FLT1: variants seen among roughly 807,000 people sequenced by gnomAD.
FLT1 encodes fms related receptor tyrosine kinase 1, also known as vascular endothelial growth factor receptor 1.
Under a neutral mutation model 156.3 loss-of-function variants are expected in FLT1, and 49 were observed. That is an observed-to-expected ratio of 0.31 (90% CI 0.25 to 0.40). The LOEUF (loss-of-function observed/expected upper bound fraction) is 0.40, where lower values mean the gene tolerates loss of function less well. Ranked by LOEUF, FLT1 falls within the 10% of genes least tolerant of loss-of-function variation. FLT1 has a pLI of 1.00. For missense variants in FLT1, 1,322 were observed against 1,637.2 expected, an observed-to-expected ratio of 0.81 and a Z score of 3.32; for synonymous variants, 594 against 583.8, an observed-to-expected ratio of 1.02 and a Z score of -0.25.
rs114650498 is a variant in FLT1 at position 28,355,533 on chromosome 13, G to A, written c.2248+2021C>T. ...TAATGATTCCAGAAGCGGGGATTGA[G>A]AGAGCAGAGAATGAGTATCTGCCTC... On this transcript the variant is annotated intron_variant, in intron 15 of 29. Coordinates refer to ENST00000282397, the MANE Select transcript of FLT1 (RefSeq NM_002019.4). Among the ~76,000 whole-genome samples, 594 of 152,294 alleles carry A rather than the reference G, an allele frequency of 3.9e-3. 4 individuals carry two copies. The highest frequency in any genetic ancestry group is 0.014 in the African/African-American group (561 of 41,544).
chr13:28,308,445 G>A (rs1870844568), intron 28 of FLT1: 1 of 318,182 alleles, frequency 3.1e-6, no homozygotes, highest in Non-Finnish European at 6.1e-6. Context: ...AGGCTTAGGT[G>A]GACCCCTCCC....
intron 3 of FLT1, among the ~76,000 whole-genome samples, chr13:28,443,368 G>C (rs1041436505): frequency 6.6e-6 from 1 of 152,144 alleles, no homozygotes; most frequent in Non-Finnish European, 1.5e-5. Context: ...CAGACATAGT[G>C]GCCCCTGCAT....
At chr13:28,385,475 A>G (rs1048182172) in intron 13 of FLT1, 2 of 1,006,708 alleles carry the variant, frequency 2.0e-6, no homozygotes, top group Non-Finnish European at 2.4e-6. Context: ...TGATTGATGT[A>G]TTTGTGGGGG....
intron 14 of FLT1, among the ~76,000 whole-genome samples, chr13:28,380,182 C>G (rs1300854064): frequency 6.6e-6 from 1 of 152,192 alleles, no homozygotes; most frequent in African/African-American, 2.4e-5. Context: ...ACTTTTCAGT[C>G]TTTGCAGGCC....
chr13:28,449,202 G>A (rs970722090), intron 3 of FLT1, among the ~76,000 whole-genome samples: 23 of 152,032 alleles, frequency 1.5e-4, no homozygotes, highest in African/African-American at 4.8e-4. Context: ...AGGATCAATC[G>A]AAGCCCAGGA....
Position 28,434,164 on chromosome 13 carries a change from C to G in FLT1, c.570G>C (p.Lys190Asn). Residue 190 changes from lysine (K) to asparagine (N), a missense_variant, in exon 5 of 30, where the codon AAG becomes AAC. Physicochemically the swap from Lys to Asn is moderately conservative, Grantham distance 94. Coordinates refer to ENST00000282397, the MANE Select transcript of FLT1 (RefSeq NM_002019.4). ...DGKRIIWDSRKGFIISNATYK... is the reference protein window; with the variant it reads ...DGKRIIWDSRNGFIISNATYK... ...ACGTTGCATTTGATATGATGAAGCCCTTTCTACTGTCCCAGATTATGCGTT... is the reference window on the plus strand; with the variant it reads ...ACGTTGCATTTGATATGATGAAGCCGTTTCTACTGTCCCAGATTATGCGTT... The G allele has an allele frequency of 6.2e-7, 1 of 1,614,052 alleles. No individual in the cohort carries two copies. Among genetic ancestry groups the G allele is most frequent in the Non-Finnish European group, 8.5e-7 (1 of 1,180,012 alleles).
At chr13:28,392,829 A>C (rs1237826285) in intron 12 of FLT1, among the ~76,000 whole-genome samples, 2 of 152,182 alleles carry the variant, frequency 1.3e-5, no homozygotes, top group African/African-American at 2.4e-5. Flanking sequence ...ATTCGTTTTG[A>C]GGCCTGTTTC....
chr13:28,348,083 C>T (rs1002642604), intron 15 of FLT1, among the ~76,000 whole-genome samples: 1 of 152,166 alleles, frequency 6.6e-6, no homozygotes, highest in Admixed American at 6.5e-5. Context: ...TATTTTCTCT[C>T]CATCCAACCC....
intron 13 of FLT1, chr13:28,386,075 C>G (rs1205327468): frequency 9.5e-7 from 1 of 1,054,786 alleles, no homozygotes; most frequent in East Asian, 5.3e-5. Context: ...CTGTCACTGT[C>G]TTCAATTATA....
At chr13:28,488,827 A>C (rs1881319037) in intron 1 of FLT1, among the ~76,000 whole-genome samples, 1 of 152,202 alleles carries the variant, frequency 6.6e-6, no homozygotes, top group East Asian at 1.9e-4. Context: ...ATTAAAACAG[A>C]GTTGATTCTG....
At chr13:28,313,527 C>T (rs972851925) in intron 25 of FLT1, among the ~76,000 whole-genome samples, 2 of 152,102 alleles carry the variant, frequency 1.3e-5, no homozygotes, top group African/African-American at 2.4e-5. Context: ...GAATGGGCTC[C>T]GAATTTGGCT....
intron 3 of FLT1, among the ~76,000 whole-genome samples, chr13:28,441,523 G>A (rs1419465946): frequency 6.6e-6 from 1 of 152,164 alleles, no homozygotes; most frequent in Admixed American, 6.5e-5. Context: ...GACCCATACA[G>A]ATTCGCTGCT....
chr13:28,338,823 C>T (rs562348490), intron 17 of FLT1, among the ~76,000 whole-genome samples: 6 of 152,202 alleles, frequency 3.9e-5, no homozygotes, highest in Admixed American at 2.0e-4. Context: ...CCTCTCTCTC[C>T]GCCGCCCTTC....
chr13:28,445,661 TAACAAC>T (rs140487705), intron 3 of FLT1, among the ~76,000 whole-genome samples: 3 of 151,694 alleles, frequency 2.0e-5, no homozygotes, highest in Non-Finnish European at 2.9e-5. Context: ...GATTGAATTG[TAACAAC>T]AACAACAACA....
At chr13:28,394,856 G>A (rs1874947299) in intron 12 of FLT1, among the ~76,000 whole-genome samples, 1 of 152,116 alleles carries the variant, frequency 6.6e-6, no homozygotes, top group African/African-American at 2.4e-5. Context: ...CTTCTAGGTT[G>A]GCTCTTCCCT....
chr13:28,484,504 G>C (rs1033827296), intron 1 of FLT1, among the ~76,000 whole-genome samples: 11 of 152,128 alleles, frequency 7.2e-5, no homozygotes, highest in African/African-American at 2.7e-4. Context: ...AAGTTTTTTG[G>C]GAGGTCCTTG....
chr13:28,409,345 C>A (rs1201563857), intron 10 of FLT1, among the ~76,000 whole-genome samples: 3 of 149,576 alleles, frequency 2.0e-5, no homozygotes, highest in Admixed American at 6.7e-5. Flanking sequence ...TACGATCTTT[C>A]TTTCTTTCTT....
intron 23 of FLT1, among the ~76,000 whole-genome samples, chr13:28,320,205 A>G (rs1395049360): frequency 6.6e-6 from 1 of 152,178 alleles, no homozygotes; most frequent in East Asian, 1.9e-4. Context: ...AGGGGCAGGG[A>G]GGCTGACTCA....
chr13:28,421,229 C>T (rs1432879696), intron 10 of FLT1, among the ~76,000 whole-genome samples: 1 of 152,148 alleles, frequency 6.6e-6, no homozygotes, highest in Non-Finnish European at 1.5e-5. Flanking sequence ...TAGAGTTTTG[C>T]AAGCGGTTCC....
Sources: allele counts gnomAD v4.1 joint callset (sites outside exome capture counted in the v4.1 genomes callset), GRCh38; gene constraint gnomAD v4.1.1; transcripts MANE v1.5; gene names NCBI Gene and HGNC (gene_info 2026-07-23, HGNC 2026-07-21).